ACTR5: variants seen among roughly 807,000 people sequenced by gnomAD.
ACTR5 encodes actin-related protein 5.
In ACTR5, 43 loss-of-function variants were observed where a neutral mutation model predicts 61.2. That is an observed-to-expected ratio of 0.70 (90% CI 0.55 to 0.91). The LOEUF is 0.91. ACTR5 is among the 40% of genes least tolerant of loss of function. The pLI is 0.00. For missense variants in ACTR5, 798 were observed against 782.2 expected (o/e 1.02, Z -0.24); for synonymous variants, 333 against 310.5 (o/e 1.07, Z -0.76).
chr20:38,751,117 TCTC>T (rs1210015767), intron 2 of ACTR5, among the ~76,000 whole-genome samples: 1 of 150,330 alleles, frequency 6.7e-6, no homozygotes, highest in East Asian at 1.9e-4. Context: ...ACCACTGTGT[TCTC>T]CTGAGGTTTC....
At position 38,766,433 on chromosome 20, in the gene ACTR5, T is replaced by G. The variant is rs1188251923; in HGVS notation, c.1433+56T>G. 4.7e-5 allele frequency: 72 copies of G among 1,525,026 alleles called. 1 individual carries two copies. Among genetic ancestry groups the G allele is most frequent in the Non-Finnish European group, 5.9e-5 (67 of 1,139,728 alleles). The allele number at this position is 1,525,026 out of a possible 1,614,324, so 94.5% of individuals were successfully genotyped here. ...CTTCCTGAACCATTTCCTTGGATTT[T>G]GCATTGAATGGTAGATTTGATGGTC... is the stretch of plus-strand genomic sequence containing the variant. On this transcript the variant is annotated intron_variant, in intron 7 of 8. Coordinates refer to ENST00000243903, the MANE Select transcript of ACTR5 (RefSeq NM_024855.4).
intron 8 of ACTR5, among the ~76,000 whole-genome samples, chr20:38,770,538 A>G (rs1448891658): frequency 6.6e-6 from 1 of 152,222 alleles, no homozygotes; most frequent in African/African-American, 2.4e-5. Flanking sequence ...TTTTATATCA[A>G]TAGGTACATT....
Position 38,749,929 on chromosome 20 carries a change from A to T in ACTR5, c.376-81A>T, listed in dbSNP as rs1167958886. On this transcript the variant is annotated intron_variant, in intron 1 of 8. Transcript: ENST00000243903. ...AAGCCAAAAGCAAATTCAGTCCTGCAATAAGGATTTTGGGTTCTTTTATGC... is the reference window on the plus strand; with the variant it reads ...AAGCCAAAAGCAAATTCAGTCCTGCTATAAGGATTTTGGGTTCTTTTATGC... 1.9e-5 allele frequency: 24 copies of T among 1,247,984 alleles called. 1 individual carries two copies. The highest frequency in any genetic ancestry group is 2.7e-5 in the Non-Finnish European group (24 of 890,398). The allele number at this position is 1,247,984 out of a possible 1,614,324, so 77.3% of individuals were successfully genotyped here. A position where few individuals can be genotyped will look rare whatever the true frequency, so the allele number is the denominator to read the frequency against.
chr20:38,748,988 C>G (rs1464065877), intron 1 of ACTR5, 135 bp downstream of exon 1: 1 of 1,114,380 alleles, frequency 9.0e-7, no homozygotes, highest in Non-Finnish European at 1.2e-6. Context: ...AGATGCTAGG[C>G]GCTGTGGGTG....
At chr20:38,761,759 G>C (rs909441695) in intron 5 of ACTR5, 19 of 153,706 alleles carry the variant, frequency 1.2e-4, no homozygotes, top group African/African-American at 4.6e-4. Context: ...CCAAACAAGC[G>C]CTCAAGGACA....
In ACTR5 at chr20:38,771,698, G is replaced by A; in HGVS notation, c.1706G>A (p.Cys569Tyr). The A allele has an allele frequency of 3.1e-6, 5 of 1,614,230 alleles. No individual in the cohort carries two copies. Among genetic ancestry groups the A allele is most frequent in the Non-Finnish European group, 4.2e-6 (5 of 1,180,034 alleles). ...EKGGEYLKEH[C>Y]ASNIYVPIRL... is the part of the protein sequence containing the mutation. ...GGAGGAGAGTACCTCAAGGAGCACT[G>A]TGCTTCCAACATCTATGTCCCCATC... Residue 569 changes from cysteine to tyrosine, a missense_variant, in exon 9 of 9, where the codon TGT (cysteine) becomes TAT (tyrosine). Coordinates refer to ENST00000243903, the MANE Select transcript of ACTR5 (RefSeq NM_024855.4).
At position 38,748,471 on chromosome 20, in the gene ACTR5, G is replaced by C. The variant is rs1170595398; in HGVS notation, c.-8G>C. On this transcript the variant is annotated 5_prime_UTR_variant, in exon 1 of 9. Coordinates refer to ENST00000243903, the MANE Select transcript of ACTR5 (RefSeq NM_024855.4). ...CGCCGAGGGGCGGGGCTGGACGCGCGCTCCAAGATGGCGGCGAACGTGTTC... is the reference window on the plus strand; with the variant it reads ...CGCCGAGGGGCGGGGCTGGACGCGCCCTCCAAGATGGCGGCGAACGTGTTC... 3.5e-5 allele frequency: 52 copies of C among 1,471,646 alleles called. No homozygotes were observed. Among genetic ancestry groups the C allele is most frequent in the Non-Finnish European group, 4.6e-5 (51 of 1,120,038 alleles). The allele number at this position is 1,471,646 out of a possible 1,614,324, so 91.2% of individuals were successfully genotyped here.
rs766443901 is a variant in ACTR5 at position 38,767,610 on chromosome 20, G to A, written c.1566+14G>A. On this transcript the variant is annotated intron_variant, in intron 8 of 8. Transcript: ENST00000243903. The stretch of plus-strand genomic sequence containing the variant: ...TCTTCTTTTCAGGTACTGATTGTTC[G>A]AGTAGTCAATTATTTTGAAAATAGC... 1.6e-5 allele frequency: 26 copies of A among 1,593,328 alleles called. No individual in the cohort carries two copies. The highest frequency in any genetic ancestry group is 4.5e-5 in the East Asian group (2 of 44,562).
At position 38,756,003 on chromosome 20, in the gene ACTR5, C is replaced by G; in HGVS notation, c.1140C>G (p.Val380=). 1.2e-6 allele frequency: 2 copies of G among 1,613,650 alleles called. No homozygotes were observed. The highest frequency in any genetic ancestry group is 1.7e-6 in the Non-Finnish European group (2 of 1,180,014). ...QAKQKILQAE[V]NLEVDVVDSK... ...AGCAGAAAATCCTCCAAGCGGAAGT[C>G]AACCTCGAGGTGGATGTGGTAGACA... Residue 380 remains valine (V), a synonymous_variant, in exon 5 of 9, where the codon GTC becomes GTG. Transcript: ENST00000243903.
chr20:38,752,906 A>G (rs2084395427), intron 3 of ACTR5, among the ~76,000 whole-genome samples: 1 of 150,958 alleles, frequency 6.6e-6, no homozygotes, highest in Admixed American at 6.6e-5. Flanking sequence ...CTCCTGAAGG[A>G]CAAAAACTGC....
intron 3 of ACTR5, among the ~76,000 whole-genome samples, chr20:38,754,610 T>C (rs1206173972): frequency 5.3e-5 from 8 of 151,842 alleles, no homozygotes; most frequent in Admixed American, 5.2e-4. Flanking sequence ...TCCCAGCTAC[T>C]CAGGAGGCTG....
chr20:38,771,440 A>C, intron 8 of ACTR5, 119 bp from the exon 9 acceptor site: 1 of 1,382,034 alleles, frequency 7.2e-7, no homozygotes, highest in Non-Finnish European at 9.9e-7. Flanking sequence ...CTTGGAGTGC[A>C]CTGGGCCCAC....
intron 5 of ACTR5, 144 bp downstream of exon 5, chr20:38,756,183 T>C: frequency 2.1e-6 from 2 of 951,474 alleles, no homozygotes; most frequent in Non-Finnish European, 3.0e-6. Context: ...ACTGACCTTG[T>C]ACCAACTGAA....
rs1490501287 is a variant in ACTR5 at position 38,762,198 on chromosome 20, TG to T, written c.1177-3201del. Among the ~76,000 whole-genome samples, 6 of 152,304 alleles carry T rather than the reference TG, an allele frequency of 3.9e-5. No homozygotes were observed. In the East Asian group the frequency reaches 1.2e-3, roughly 29 times the overall value. ...TTACTTACCTGTCTGGTATCTGGGC[TG>T]GGAGGACTCAAGGTCTGGGTTCATG... On this transcript the variant is annotated intron_variant, in intron 5 of 8. Coordinates refer to ENST00000243903, the MANE Select transcript of ACTR5 (RefSeq NM_024855.4).
chr20:38,750,710 C>T (rs1426669449), intron 2 of ACTR5, among the ~76,000 whole-genome samples: 5 of 152,084 alleles, frequency 3.3e-5, no homozygotes, highest in Non-Finnish European at 5.9e-5. Flanking sequence ...CTCAGGGCAA[C>T]GTCCGCCTCC....
chr20:38,767,722 C>A, intron 8 of ACTR5, 126 bp downstream of exon 8: 1 of 1,072,734 alleles, frequency 9.3e-7, no homozygotes, highest in Middle Eastern at 2.9e-4. Flanking sequence ...GGTCTTAAGT[C>A]CATGCTTAAT....
chr20:38,760,131 G>A (rs957254389), intron 5 of ACTR5, among the ~76,000 whole-genome samples: 1 of 150,794 alleles, frequency 6.6e-6, no homozygotes, highest in Non-Finnish European at 1.5e-5. Flanking sequence ...TCCAACCTGG[G>A]CAACAGAACA....
intron 1 of ACTR5, 108 bp downstream of exon 1, chr20:38,748,961 T>C: frequency 7.2e-7 from 1 of 1,382,778 alleles, no homozygotes; most frequent in Non-Finnish European, 9.6e-7. Context: ...GTAGCTCCGA[T>C]TGTCTTTTAG....
Position 38,748,749 on chromosome 20 carries a change from CGCTGG to C in ACTR5, c.272_276del (p.Arg91HisfsTer37). ...CGCTCTGGGCAGCCTGGAGCCACTG[CGCTGG>C]ATGCTGCGCTCGCCCTTCGACCGCA... On this transcript the variant is annotated frameshift_variant, in exon 1 of 9. Coordinates refer to ENST00000243903, the MANE Select transcript of ACTR5 (RefSeq NM_024855.4). LOFTEE classifies it high-confidence loss of function. 6 of 1,595,900 alleles carry C rather than the reference CGCTGG, an allele frequency of 3.8e-6. No homozygotes were observed. Among genetic ancestry groups the C allele is most frequent in the Non-Finnish European group, 5.1e-6 (6 of 1,173,000 alleles).
Sources: gnomAD v4.1 joint callset for allele counts (sites outside exome capture counted in the v4.1 genomes callset) on GRCh38, gnomAD v4.1.1 for gene constraint, MANE v1.5 for transcripts, NCBI Gene and HGNC (gene_info 2026-07-23, HGNC 2026-07-21) for gene names.